Variants in CIBAR1 observed in about 807,000 individuals in gnomAD.
The protein encoded by CIBAR1 is CBY1-interacting BAR domain-containing protein 1.
CIBAR1 carries 25 observed loss-of-function variants against 44.0 expected under a neutral mutation model. That is an observed-to-expected ratio of 0.57 (90% CI 0.41 to 0.79). The LOEUF is 0.79. Among genes scored for constraint, CIBAR1 ranks in the 30% least tolerant of loss-of-function variants. The pLI is 0.00. For missense variants in CIBAR1, 278 were observed against 344.8 expected, an observed-to-expected ratio of 0.81 and a Z score of 1.53; for synonymous variants, 115 against 119.0, an observed-to-expected ratio of 0.97 and a Z score of 0.22.
chr8:93,701,001 A>G, intron 1 of CIBAR1: 2 of 1,409,438 alleles, frequency 1.4e-6, no homozygotes, highest in Non-Finnish European at 1.8e-6. Context: ...TCCCCAGTTA[A>G]GGCCAGGCCC....
intron 8 of CIBAR1, chr8:93,726,744 A>T (rs1228871281): frequency 6.3e-6 from 3 of 475,078 alleles, no homozygotes; most frequent in Non-Finnish European, 3.7e-6. Flanking sequence ...ACTTGAGAGC[A>T]GAAGTGGAAA....
intron 4 of CIBAR1, chr8:93,705,572 A>G (rs1236918315): frequency 6.6e-6 from 1 of 152,438 alleles, no homozygotes; most frequent in Non-Finnish European, 1.5e-5. Context: ...TTCTTAAACT[A>G]CAATGTGCCT....
At chr8:93,702,455 A>G (rs1810401920) in intron 2 of CIBAR1, 2 of 448,054 alleles carry the variant, frequency 4.5e-6, no homozygotes, top group South Asian at 1.6e-5. Flanking sequence ...CTATTTATCA[A>G]ATAGCAAAGT....
At position 93,708,130 on chromosome 8, in the gene CIBAR1, C is replaced by G. The variant is rs150576261; in HGVS notation, c.438+114C>G. 1,430 of 674,012 alleles carry G rather than the reference C, an allele frequency of 2.1e-3. 16 individuals are homozygous for G. The African/African-American group carries it at 0.024, about 11-fold the overall frequency. The allele number at this position is 674,012 out of a possible 1,614,324, so 41.8% of individuals were successfully genotyped here. ...GCAAAAGCTAAATGTCACAGTATTA[C>G]TTATCACAGAACTTTGACAACAAAT... is the stretch of plus-strand genomic sequence containing the variant. On this transcript the variant is annotated intron_variant, in intron 5 of 8. Coordinates refer to ENST00000518322, the MANE Select transcript of CIBAR1 (RefSeq NM_145269.5).
In CIBAR1 at chr8:93,730,473, A is replaced by C. The variant is rs945240339; in HGVS notation, c.*2176A>C. ...GTATCAGGCTAGAGAATACACCTCC[A>C]GTGTACCTGGTATACCTTGAGGATA... On this transcript the variant is annotated 3_prime_UTR_variant, in exon 9 of 9. Coordinates refer to ENST00000518322, the MANE Select transcript of CIBAR1 (RefSeq NM_145269.5). The C allele has an allele frequency of 6.6e-6, 1 of 152,234 alleles. No homozygotes were observed. The highest frequency in any genetic ancestry group is 1.5e-5 in the Non-Finnish European group (1 of 68,046). 9.4% of individuals were successfully genotyped at this position (152,234 alleles called of 1,614,324 possible).
At chr8:93,718,869 CTT>C (rs1048569919) in intron 7 of CIBAR1, 81 bp downstream of exon 7, 775 of 687,206 alleles carry the variant, frequency 1.1e-3, no homozygotes, top group South Asian at 2.2e-3. Flanking sequence ...TGATTAATAT[CTT>C]TTTTTTTTTT....
chr8:93,704,917 C>T lies in CIBAR1; in HGVS notation c.339C>T (p.Leu113=), dbSNP rs779756654. The change falls in exon 4 of 9, where the codon CTC becomes CTT. Residue 113 remains leucine, a synonymous_variant. Transcript: ENST00000518322. ...AAAATGCCAATTTGCAGGATGACCT[C>T]AAAGCAACACTCACAGCAAGGAATC... ...GTIVKMKRDD[L]KATLTARNRE... 6.3e-7 allele frequency: 1 copy of T among 1,595,884 alleles called. No homozygotes were observed. The highest frequency in any genetic ancestry group is 8.5e-7 in the Non-Finnish European group (1 of 1,172,978).
chr8:93,719,079 G>T (rs968994134), intron 7 of CIBAR1, among the ~76,000 whole-genome samples: 1 of 152,018 alleles, frequency 6.6e-6, no homozygotes, highest in Non-Finnish European at 1.5e-5. Context: ...AGCCAGGCTG[G>T]TCTTGAACTC....
chr8:93,703,130 A>G (rs1810429760), intron 2 of CIBAR1, among the ~76,000 whole-genome samples: 1 of 152,162 alleles, frequency 6.6e-6, no homozygotes, highest in African/African-American at 2.4e-5. Flanking sequence ...ATAATTCACA[A>G]ATGGCTTCTC....
In CIBAR1 at chr8:93,701,305, C is replaced by G. The variant is rs1810343199; in HGVS notation, c.108C>G (p.Ala36=). ...GAGAACTGTGCCAAATCTTCGCTGCCTATGTGCGGAAAACTGCCAGGCTGA... is the reference window on the plus strand; with the variant it reads ...GAGAACTGTGCCAAATCTTCGCTGCGTATGTGCGGAAAACTGCCAGGCTGA... The part of the protein sequence containing the change: ...HFGELCQIFA[A]YVRKTARLRD... Residue 36 remains alanine, a synonymous_variant, in exon 2 of 9, where the codon GCC becomes GCG. Coordinates refer to ENST00000518322, the MANE Select transcript of CIBAR1 (RefSeq NM_145269.5). 3 of 1,613,820 alleles carry G rather than the reference C, an allele frequency of 1.9e-6. No individual in the cohort carries two copies. The highest frequency in any genetic ancestry group is 2.5e-6 in the Non-Finnish European group (3 of 1,179,836).
At chr8:93,723,667 C>T (rs1486081764) in intron 7 of CIBAR1, among the ~76,000 whole-genome samples, 4 of 152,004 alleles carry the variant, frequency 2.6e-5, no homozygotes, top group Non-Finnish European at 5.9e-5. Flanking sequence ...AACAGGGCTC[C>T]GTTGGTCTAG....
At chr8:93,723,558 T>C (rs1427880214) in intron 7 of CIBAR1, among the ~76,000 whole-genome samples, 5 of 152,084 alleles carry the variant, frequency 3.3e-5, no homozygotes, top group African/African-American at 1.2e-4. Flanking sequence ...AAATGAATGA[T>C]GTTAACTATG....
At chr8:93,715,956 T>C (rs1299062925) in intron 6 of CIBAR1, 2 of 152,230 alleles carry the variant, frequency 1.3e-5, no homozygotes, top group Non-Finnish European at 2.9e-5. Flanking sequence ...AATTTTAATA[T>C]ATATTTTTAA....
At chr8:93,709,732 G>T in intron 5 of CIBAR1, 39 bp from the exon 6 acceptor site, 2 of 1,559,142 alleles carry the variant, frequency 1.3e-6, no homozygotes, top group South Asian at 2.3e-5. Context: ...ATTCTCATTT[G>T]ATTTTTTTTA....
chr8:93,728,378 G>A lies in CIBAR1; in HGVS notation c.*81G>A. ...TAGAACTTTATACTCACTTTGCTATGTTAAGCCTCAAAGTGAAGTCCAACT... is the reference window on the plus strand; with the variant it reads ...TAGAACTTTATACTCACTTTGCTATATTAAGCCTCAAAGTGAAGTCCAACT... On this transcript the variant is annotated 3_prime_UTR_variant, in exon 9 of 9. Transcript: ENST00000518322. The A allele has an allele frequency of 2.2e-6, 2 of 908,836 alleles. No homozygotes were observed. The highest frequency in any genetic ancestry group is 3.0e-5 in the East Asian group (1 of 33,714). 56.3% of individuals were successfully genotyped at this position (908,836 alleles called of 1,614,324 possible).
rs1016445895 is a variant in CIBAR1, at chr8:93,730,321, T to A, written c.*2024T>A. ...CTTAACAGTGATCTCAGTAAATTAA[T>A]AGAAATGCACTCCTAACATGATTTT... On this transcript the variant is annotated 3_prime_UTR_variant, in exon 9 of 9. Transcript: ENST00000518322. The A allele has an allele frequency of 6.6e-6, 1 of 152,236 alleles. No individual in the cohort carries two copies. The highest frequency in any genetic ancestry group is 2.4e-5 in the African/African-American group (1 of 41,470). The allele number at this position is 152,236 out of a possible 1,614,324, so 9.4% of individuals were successfully genotyped here. A position where few individuals can be genotyped will look rare whatever the true frequency, so the allele number is the denominator to read the frequency against.
chr8:93,729,666 G>C lies in CIBAR1; in HGVS notation c.*1369G>C, dbSNP rs1811711297. The C allele has an allele frequency of 6.6e-6, 1 of 152,148 alleles. No individual in the cohort carries two copies. The highest frequency in any genetic ancestry group is 6.5e-5 in the Admixed American group (1 of 15,284). 9.4% of individuals were successfully genotyped at this position (152,148 alleles called of 1,614,324 possible). ...AATTTTCATTATTTAGACCAGCCTA[G>C]GTTGGCAAACTTCTTAAAGGGCCAG... is the stretch of plus-strand genomic sequence containing the variant. On this transcript the variant is annotated 3_prime_UTR_variant, in exon 9 of 9. Transcript: ENST00000518322.
chr8:93,719,109 C>A (rs1215042958), intron 7 of CIBAR1, among the ~76,000 whole-genome samples: 1 of 152,050 alleles, frequency 6.6e-6, no homozygotes, highest in Non-Finnish European at 1.5e-5. Flanking sequence ...AGTGATACGC[C>A]CACCTCGGCC....
intron 7 of CIBAR1, chr8:93,724,377 G>A (rs564682022): frequency 2.0e-4 from 67 of 328,610 alleles, no homozygotes; most frequent in African/African-American, 1.3e-3. Context: ...CCATGCTGGC[G>A]TGCAGTGGCA....
Sources: gnomAD v4.1 joint callset for allele counts (sites outside exome capture counted in the v4.1 genomes callset) on GRCh38, gnomAD v4.1.1 for gene constraint, MANE v1.5 for transcripts, NCBI Gene and HGNC (gene_info 2026-07-23, HGNC 2026-07-21) for gene names.